The following FRY variants were observed in gnomAD, a reference collection of about 807,000 sequenced individuals.
The protein encoded by FRY is protein furry homolog.
FRY carries 128 observed loss-of-function variants against 348.4 expected under a neutral mutation model. That is an observed-to-expected ratio of 0.37 (90% CI 0.32 to 0.43). The LOEUF (loss-of-function observed/expected upper bound fraction) is 0.43, where lower values mean the gene tolerates loss of function less well. Ranked by LOEUF, FRY falls within the 20% of genes least tolerant of loss-of-function variation. The pLI is 1.00. For missense variants in FRY, 2,736 were observed against 3,695.2 expected (o/e 0.74, Z 6.73); for synonymous variants, 1,370 against 1,374.7 (o/e 1.00, Z 0.08).
chr13:32,191,698 G>A (rs1324638262), intron 28 of FRY, among the ~76,000 whole-genome samples: 2 of 152,080 alleles, frequency 1.3e-5, no homozygotes, highest in African/African-American at 4.8e-5. Context: ...CCTTTTTCCT[G>A]GTTCACAGGC....
intron 11 of FRY, among the ~76,000 whole-genome samples, chr13:32,143,091 A>G (rs1880180206): frequency 6.6e-6 from 1 of 152,196 alleles, no homozygotes; most frequent in Non-Finnish European, 1.5e-5. Flanking sequence ...ACCTACCACA[A>G]GGCAGAGGCA....
intron 2 of FRY, among the ~76,000 whole-genome samples, chr13:32,095,062 T>A (rs1348836046): frequency 6.6e-6 from 1 of 152,224 alleles, no homozygotes; most frequent in Non-Finnish European, 1.5e-5. Context: ...GTGTGATGGT[T>A]TCTCACTGTA....
intron 53 of FRY, among the ~76,000 whole-genome samples, chr13:32,265,156 CT>C (rs1011481095): frequency 2.6e-4 from 40 of 152,256 alleles, no homozygotes; most frequent in African/African-American, 9.6e-4. Flanking sequence ...TCTTGATGGT[CT>C]TTTCCAAGTT....
intron 40 of FRY, among the ~76,000 whole-genome samples, chr13:32,229,001 G>T (rs1350099778): frequency 6.6e-6 from 1 of 152,180 alleles, no homozygotes. Context: ...GGGGTTAGTA[G>T]TTCTGAGACT....
intron 4 of FRY, among the ~76,000 whole-genome samples, chr13:32,122,822 A>G (rs964221698): frequency 1.3e-5 from 2 of 152,252 alleles, no homozygotes; most frequent in African/African-American, 4.8e-5. Context: ...TAGGACTGAT[A>G]AAAGAATTCA....
At chr13:32,264,082 T>C (rs1887806749) in intron 53 of FRY, among the ~76,000 whole-genome samples, 1 of 152,170 alleles carries the variant, frequency 6.6e-6, no homozygotes, top group Admixed American at 6.5e-5. Flanking sequence ...TGAAGAGCTA[T>C]CCCTGTTTTT....
chr13:32,233,449 T>A (rs205013), intron 41 of FRY, among the ~76,000 whole-genome samples: 26,460 of 152,266 alleles, frequency 0.17, 3,031 homozygotes, highest in South Asian at 0.27. Flanking sequence ...TACATTTTCA[T>A]TCCCATCTGA....
chr13:32,284,469 T>G (rs973308343), intron 58 of FRY, among the ~76,000 whole-genome samples: 7 of 152,232 alleles, frequency 4.6e-5, no homozygotes, highest in Non-Finnish European at 7.3e-5. Context: ...AGCCATATTC[T>G]TTCTCATATT....
At chr13:32,118,551 A>G (rs1326855731) in intron 4 of FRY, among the ~76,000 whole-genome samples, 1 of 152,180 alleles carries the variant, frequency 6.6e-6, no homozygotes, top group Non-Finnish European at 1.5e-5. Context: ...GAGAGAGATT[A>G]ATAACTTTTT....
intron 11 of FRY, among the ~76,000 whole-genome samples, chr13:32,138,785 C>T (rs1056837680): frequency 2.0e-5 from 3 of 152,104 alleles, no homozygotes; most frequent in Non-Finnish European, 4.4e-5. Context: ...GAAGGCAATT[C>T]TATAAAAACT....
chr13:32,043,783 C>T (rs1872871999), intron 1 of FRY, among the ~76,000 whole-genome samples: 1 of 152,200 alleles, frequency 6.6e-6, no homozygotes, highest in South Asian at 2.1e-4. Flanking sequence ...AAAAGGAACA[C>T]TTCCTCATGT....
At chr13:32,164,101 A>G (rs1881600130) in intron 17 of FRY, among the ~76,000 whole-genome samples, 2 of 152,294 alleles carry the variant, frequency 1.3e-5, no homozygotes, top group East Asian at 1.9e-4. Context: ...CCTGTGAGAA[A>G]ATGACCCTCT....
rs1300064110 is a variant in FRY at position 32,296,564 on chromosome 13, T to A, written c.*1104T>A. 1.3e-5 allele frequency: 2 copies of A among 152,430 alleles called. No individual in the cohort carries two copies. The highest frequency in any genetic ancestry group is 2.9e-5 in the Non-Finnish European group (2 of 67,994). 9.4% of individuals were successfully genotyped at this position (152,430 alleles called of 1,614,324 possible). A position where few individuals can be genotyped will look rare whatever the true frequency, so the allele number is the denominator to read the frequency against. On this transcript the variant is annotated 3_prime_UTR_variant, in exon 61 of 61. Coordinates refer to ENST00000542859, the MANE Select transcript of FRY (RefSeq NM_023037.3). ...TTCACTCTGTAAATACATTTAAAGT[T>A]TTTGTGATGTAAGCTTAATTGATAT...
In FRY at chr13:32,171,050, C is replaced by A; in HGVS notation, c.1931C>A (p.Ala644Glu). The A allele has an allele frequency of 6.2e-7, 1 of 1,610,362 alleles. No homozygotes were observed. Among genetic ancestry groups the A allele is most frequent in the Non-Finnish European group, 8.5e-7 (1 of 1,176,616 alleles). ...IHMDDELRHI[A>E]QNSLQGLLVD... ...ATGGATGATGAATTGCGACATATTGCACAAAATTCTCTTCAGGGTTTACTT... is the reference window on the plus strand; with the variant it reads ...ATGGATGATGAATTGCGACATATTGAACAAAATTCTCTTCAGGGTTTACTT... The change falls in exon 18 of 61, where the codon GCA becomes GAA. Residue 644 changes from alanine (A) to glutamate (E), a missense_variant. Physicochemically the swap from Ala to Glu is moderately radical, Grantham distance 107. Transcript: ENST00000542859.
chr13:32,169,360 A>G (rs1566108061), intron 17 of FRY, among the ~76,000 whole-genome samples: 1 of 152,204 alleles, frequency 6.6e-6, no homozygotes, highest in Admixed American at 6.5e-5. Flanking sequence ...ATAATAGCTA[A>G]CGTTACTGAG....
intron 51 of FRY, among the ~76,000 whole-genome samples, chr13:32,257,503 A>G (rs1887399166): frequency 6.6e-6 from 1 of 152,240 alleles, no homozygotes; most frequent in Non-Finnish European, 1.5e-5. Context: ...TATTAATTGC[A>G]TATGAACAGT....
At chr13:32,190,604 A>G (rs1247009030) in intron 28 of FRY, among the ~76,000 whole-genome samples, 9 of 152,180 alleles carry the variant, frequency 5.9e-5, no homozygotes, top group Admixed American at 4.6e-4. Flanking sequence ...AACATTAAAC[A>G]CTCAGGAATA....
At chr13:32,124,411 A>G in intron 5 of FRY, 35 bp downstream of exon 5, 1 of 1,163,518 alleles carries the variant, frequency 8.6e-7, no homozygotes, top group Non-Finnish European at 1.3e-6. Flanking sequence ...TTTAGATAAT[A>G]TTTATTGATC....
intron 58 of FRY, chr13:32,287,822 C>CT (rs1566197456): frequency 7.9e-7 from 1 of 1,266,388 alleles, no homozygotes; most frequent in Admixed American, 2.0e-5. Flanking sequence ...TGACCCTGTA[C>CT]TTTCTTTCCT....
Sources: gnomAD v4.1 joint callset for allele counts (sites outside exome capture counted in the v4.1 genomes callset) on GRCh38, gnomAD v4.1.1 for gene constraint, MANE v1.5 for transcripts, NCBI Gene and HGNC (gene_info 2026-07-23, HGNC 2026-07-21) for gene names.